ADGRG2: variants seen among roughly 807,000 people sequenced by gnomAD.
ADGRG2 encodes the protein adhesion G protein-coupled receptor G2, also known as G protein-coupled receptor 64.
A neutral mutation model predicts 74.1 loss-of-function variants in ADGRG2; 26 were observed. That is an observed-to-expected ratio of 0.35 (90% CI 0.26 to 0.49). ADGRG2 has a LOEUF of 0.49. Among genes scored for constraint, ADGRG2 ranks in the 20% least tolerant of loss-of-function variants. The pLI is 0.99. For synonymous variants in ADGRG2, 296 were observed against 295.2 expected, an observed-to-expected ratio of 1.00 and a Z score of -0.03; for missense variants, 619 against 763.1, an observed-to-expected ratio of 0.81 and a Z score of 2.22.
Position 19,014,174 on chromosome X carries a change from G to A in ADGRG2, c.711-100C>T, listed in dbSNP as rs1019881549. ...AATCATCTGACACCGTCAAGTTGAC[G>A]TAGTTACATCAGGGACATGACACTT... On this transcript the variant is annotated intron_variant, in intron 15 of 28. Transcript: ENST00000379869. 2.3e-5 allele frequency: 15 copies of A among 649,980 alleles called. No homozygotes were observed. The Admixed American group carries it at 3.6e-4, about 16-fold the overall frequency. 53.6% of individuals were successfully genotyped at this position (649,980 alleles called of 1,213,427 possible).
In ADGRG2 at chrX:19,001,820, C is replaced by T. The variant is rs371876379; in HGVS notation, c.2230+1026G>A. Among the ~76,000 whole-genome samples the T allele has an allele frequency of 1.8e-5, 2 of 111,217 alleles. 1 individual carries two copies. Among genetic ancestry groups the T allele is most frequent in the African/African-American group, 6.5e-5 (2 of 30,537 alleles). On this transcript the variant is annotated intron_variant, in intron 24 of 28. Coordinates refer to ENST00000379869, the MANE Select transcript of ADGRG2 (RefSeq NM_001079858.3). ...TGGCAGAAGGCTGCATATAAGGAGA[C>T]GGAGAGCCAGGCTTGCTGTTTTCTA...
intron 2 of ADGRG2, among the ~76,000 whole-genome samples, chrX:19,075,617 CAAAAAAAAAAAAA>C (rs61690480): frequency 5.1e-5 from 2 of 39,476 alleles, no homozygotes; most frequent in Non-Finnish European, 9.8e-5. Context: ...GACTTCGCCT[CAAAAAAAAAAAAA>C]AAAAAAAAAG....
chrX:19,001,150 G>C (rs1371205105), intron 24 of ADGRG2, among the ~76,000 whole-genome samples: 2 of 111,628 alleles, frequency 1.8e-5, no homozygotes, highest in African/African-American at 3.3e-5. Context: ...ACCCAGTGAA[G>C]GATGGAGGGT....
intron 1 of ADGRG2, among the ~76,000 whole-genome samples, chrX:19,112,976 CA>C (rs1314011966): frequency 2.1e-4 from 9 of 43,236 alleles, no homozygotes; most frequent in Admixed American, 5.2e-4. Flanking sequence ...ACAACAACAA[CA>C]AAAAAAAAAC....
chrX:19,004,763 AGCT>A lies in ADGRG2; in HGVS notation c.1953_1955del (p.Ala652del). ...TTCCGGTTGTGGATACTCACTCAAA[AGCT>A]ATGTAGGTTACAAGAGTCACTGACA... On this transcript the variant is annotated inframe_deletion, in exon 23 of 29. Coordinates refer to ENST00000379869, the MANE Select transcript of ADGRG2 (RefSeq NM_001079858.3). 8.3e-7 allele frequency: 1 copy of A among 1,208,588 alleles called. No homozygotes were observed. Among genetic ancestry groups the A allele is most frequent in the South Asian group, 1.8e-5 (1 of 56,243 alleles).
At chrX:18,996,550 A>G (rs902849900) in intron 26 of ADGRG2, among the ~76,000 whole-genome samples, 1 of 109,159 alleles carries the variant, frequency 9.2e-6, no homozygotes, top group Admixed American at 9.9e-5. Flanking sequence ...AGCTCTGTCA[A>G]ATGCCATCTC....
intron 1 of ADGRG2, among the ~76,000 whole-genome samples, chrX:19,100,917 C>T (rs772583197): frequency 5.3e-5 from 6 of 113,076 alleles, no homozygotes; most frequent in South Asian, 3.6e-4. Context: ...CGATTCCTCG[C>T]GGGCAAAGGG....
chrX:19,087,450 G>T (rs1365566338), intron 1 of ADGRG2, among the ~76,000 whole-genome samples: 2 of 111,964 alleles, frequency 1.8e-5, no homozygotes, highest in Non-Finnish European at 3.8e-5. Context: ...GTGGGGAAAT[G>T]GATCCAGGAA....
rs145596652 is a variant in ADGRG2, at chrX:19,026,323, A to C, written c.470+896T>G. Among the ~76,000 whole-genome samples the C allele has an allele frequency of 6.2e-5, 7 of 112,523 alleles. No individual in the cohort carries two copies. The East Asian group carries it at 2.0e-3, about 31-fold the overall frequency. On this transcript the variant is annotated intron_variant, in intron 11 of 28. Transcript: ENST00000379869. ...AAAGTTTATAACAATCTCATTTGTG[A>C]GGCAGTAGCAATGTTGAGAGTAGAT...
At chrX:19,083,188 T>C (rs947348316) in intron 1 of ADGRG2, among the ~76,000 whole-genome samples, 1 of 102,229 alleles carries the variant, frequency 9.8e-6, no homozygotes, top group Non-Finnish European at 2.0e-5. Flanking sequence ...TTTTTTTTTT[T>C]TTTGTATTTT....
At chrX:19,078,787 G>GGAAGGTAATAAAAAAAAAA (rs1800043165) in intron 2 of ADGRG2, among the ~76,000 whole-genome samples, 5 of 107,731 alleles carry the variant, frequency 4.6e-5, no homozygotes, top group Non-Finnish European at 7.7e-5. Flanking sequence ...AAAAAAAAAA[G>GGAAGGTAATAAAAAAAAAA]CATATAATAA....
chrX:19,018,929 G>A (rs1327986722), intron 15 of ADGRG2, among the ~76,000 whole-genome samples: 2 of 111,434 alleles, frequency 1.8e-5, no homozygotes, highest in Admixed American at 9.6e-5. Context: ...TGCAAGCTCC[G>A]CCTCCCAGGT....
chrX:19,049,455 T>TTTTTTTTTTTTTTTTTTTTTG (rs1328733136), intron 3 of ADGRG2, among the ~76,000 whole-genome samples: 4 of 90,999 alleles, frequency 4.4e-5, no homozygotes, highest in African/African-American at 1.9e-4. Context: ...TTTTTTTTTT[T>TTTTTTTTTTTTTTTTTTTTTG]TTGTTGTTGT....
At chrX:19,095,335 C>T (rs917112557) in intron 1 of ADGRG2, among the ~76,000 whole-genome samples, 2 of 111,464 alleles carry the variant, frequency 1.8e-5, no homozygotes, top group African/African-American at 3.3e-5. Context: ...CCCAAAGCCT[C>T]CATGAACCAT....
chrX:19,108,337 G>A, intron 1 of ADGRG2, among the ~76,000 whole-genome samples: 1 of 110,826 alleles, frequency 9.0e-6, no homozygotes, highest in Non-Finnish European at 1.9e-5. Context: ...TCCAAAGGTG[G>A]CTACTAATCC....
At chrX:19,054,436 T>C (rs2061377689) in intron 3 of ADGRG2, among the ~76,000 whole-genome samples, 2 of 112,008 alleles carry the variant, frequency 1.8e-5, no homozygotes, top group African/African-American at 6.5e-5. Flanking sequence ...AACTAATTTT[T>C]TTCTGATTAC....
chrX:19,041,420 G>C (rs971319312), intron 3 of ADGRG2, among the ~76,000 whole-genome samples: 19 of 111,900 alleles, frequency 1.7e-4, no homozygotes, highest in Non-Finnish European at 1.1e-4. Context: ...CACATGGGGT[G>C]TTATCTTATA....
chrX:19,041,955 A>G (rs74997719), intron 3 of ADGRG2, among the ~76,000 whole-genome samples: 1 of 110,692 alleles, frequency 9.0e-6, no homozygotes, highest in East Asian at 2.9e-4. Flanking sequence ...GACCATAGGT[A>G]CGCACCACCA....
intron 1 of ADGRG2, among the ~76,000 whole-genome samples, chrX:19,102,024 G>A (rs905719508): frequency 9.0e-5 from 10 of 110,819 alleles, no homozygotes; most frequent in Admixed American, 4.8e-4. Flanking sequence ...GAAGTGGCTC[G>A]CTTTACTTCA....
Sources: allele counts gnomAD v4.1 joint callset (sites outside exome capture counted in the v4.1 genomes callset), GRCh38; gene constraint gnomAD v4.1.1; transcripts MANE v1.5; gene names NCBI Gene and HGNC (gene_info 2026-07-23, HGNC 2026-07-21).